The following PLXNB1 variants were observed in gnomAD, a reference collection of about 807,000 sequenced individuals.
The protein encoded by PLXNB1 is plexin B1.
In PLXNB1, 106 loss-of-function variants were observed where a neutral mutation model predicts 209.4. The observed-to-expected ratio is 0.51, with a 90% CI of 0.43 to 0.59. The LOEUF (loss-of-function observed/expected upper bound fraction) is 0.59, where lower values mean the gene tolerates loss of function less well. PLXNB1 is among the 20% of genes least tolerant of loss of function. The pLI is 0.00. For missense variants in PLXNB1, 2,357 were observed against 2,853.2 expected, an observed-to-expected ratio of 0.83 and a Z score of 3.96; for synonymous variants, 1,167 against 1,183.2, an observed-to-expected ratio of 0.99 and a Z score of 0.28.
rs1400262393 is a variant in PLXNB1, at chr3:48,418,335, A to G, written c.3078T>C (p.His1026=). Residue 1026 remains histidine, a synonymous_variant, in exon 15 of 38, where the codon CAT becomes CAC. Transcript: ENST00000296440. This position sits in a 1 kb window ranked among gnomAD's most constrained non-coding sequence, Gnocchi z 6.6. ...CAGTTTGGCAGCGGCTGCAGTCTCC[A>G]TGTCCCACGGAACAGTCATACAGTA... ...HVVLYDCSVG[H]GDCSRCQTAM... is the part of the protein sequence containing the mutation. 2.5e-6 allele frequency: 4 copies of G among 1,613,534 alleles called. No individual in the cohort carries two copies. The highest frequency in any genetic ancestry group is 2.7e-5 in the African/African-American group (2 of 74,928).
At position 48,424,345 on chromosome 3, in the gene PLXNB1, G is replaced by C. The variant is rs1293739721; in HGVS notation, c.267C>G (p.Pro89=). 2 of 1,554,700 alleles carry C rather than the reference G, an allele frequency of 1.3e-6. No individual in the cohort carries two copies. The highest frequency in any genetic ancestry group is 2.4e-5 in the South Asian group (2 of 84,368). ...CLPPVMPDEC[P]QAQPTNNPNQ... ...TCGGGTTGTTGGTAGGCTGGGCCTG[G>C]GGGCACTCATCAGGCATCACAGGTG... is the stretch of plus-strand genomic sequence containing the variant. The change falls in exon 3 of 38, where the codon CCC becomes CCG. Residue 89 remains proline, a synonymous_variant. Transcript: ENST00000296440.
Position 48,420,139 on chromosome 3 carries a change from G to A in PLXNB1, c.2147C>T (p.Pro716Leu), listed in dbSNP as rs1200323961. 6.2e-7 allele frequency: 1 copy of A among 1,612,094 alleles called. No homozygotes were observed. Among genetic ancestry groups the A allele is most frequent in the Non-Finnish European group, 8.5e-7 (1 of 1,179,350 alleles). Reference protein sequence around the residue: ...PDTLPVEPGAPSTATASDISP... With the variant: ...PDTLPVEPGALSTATASDISP... ...GATGTCCGAAGCTGTGGCTGTGGAG[G>A]GAGCCCCAGGCTCCACGGGAAGGGT... The change falls in exon 11 of 38, where the codon CCC (proline) becomes CTC (leucine). Residue 716 changes from proline (P) to leucine (L), a missense_variant. By Grantham distance (98) the Pro-to-Leu change is moderately conservative. This residue lies in a region of PLXNB1 where 410 missense variants were observed against 401.0 expected (regional missense o/e 1.02). Transcript: ENST00000296440.
rs1371927438 is a variant in PLXNB1, at chr3:48,420,084, G to T, written c.2202C>A (p.Ser734Arg). Residue 734 changes from serine to arginine, a missense_variant, in exon 11 of 38, where the codon AGC becomes AGA. Ser to Arg is a moderately radical substitution (Grantham distance 110). Coordinates refer to ENST00000296440, the MANE Select transcript of PLXNB1 (RefSeq NM_001130082.3). ...ISPGASPSLLSPWGPWAGSGS... is the reference protein window; with the variant it reads ...ISPGASPSLLRPWGPWAGSGS... ...CAGAACCTGCCCATGGCCCCCAGGG[G>T]CTGAGCAGGGAAGGACTAGCCCCAG... 1.2e-6 allele frequency: 2 copies of T among 1,613,608 alleles called. No individual in the cohort carries two copies. Among genetic ancestry groups the T allele is most frequent in the Admixed American group, 3.3e-5 (2 of 60,002 alleles).
rs576007486 is a variant in PLXNB1, at chr3:48,417,365, T to G, written c.3374+546A>C. Among the ~76,000 whole-genome samples, 2 of 152,336 alleles carry G rather than the reference T, an allele frequency of 1.3e-5. No individual in the cohort carries two copies. The highest frequency in any genetic ancestry group is 2.1e-4 in the South Asian group (1 of 4,830). Reference sequence around the variant, plus strand: ...TCTCCTTAGGAATGTCCTGCGTGTGTACCTTTGGGGCCTGCAACCGCTGGC... The same window carrying G: ...TCTCCTTAGGAATGTCCTGCGTGTGGACCTTTGGGGCCTGCAACCGCTGGC... On this transcript the variant is annotated intron_variant, in intron 16 of 37. Coordinates refer to ENST00000296440, the MANE Select transcript of PLXNB1 (RefSeq NM_001130082.3). This position sits in a 1 kb window ranked among gnomAD's most constrained non-coding sequence, Gnocchi z 4.4.
Position 48,405,918 on chromosome 3 carries a change from T to C in PLXNB1, c.6229-120A>G. 1.3e-6 allele frequency: 1 copy of C among 750,892 alleles called. No individual in the cohort carries two copies. The highest frequency in any genetic ancestry group is 1.5e-5 in the South Asian group (1 of 67,006). The allele number at this position is 750,892 out of a possible 1,614,324, so 46.5% of individuals were successfully genotyped here. A position where few individuals can be genotyped will look rare whatever the true frequency, so the allele number is the denominator to read the frequency against. On this transcript the variant is annotated intron_variant, in intron 36 of 37. Transcript: ENST00000296440. This position sits in a 1 kb window ranked among gnomAD's most constrained non-coding sequence, Gnocchi z 5.0. ...GGGACCTGAGAGGTAGAGAATGGGA[T>C]GGGCACTACAGTGGGAAGCAGAGTC...
chr3:48,427,003 G>A (rs2038929357), intron 1 of PLXNB1, among the ~76,000 whole-genome samples: 1 of 152,148 alleles, frequency 6.6e-6, no homozygotes, highest in Non-Finnish European at 1.5e-5. Context: ...GATGGGCCTT[G>A]GGCACAGGGT....
intron 25 of PLXNB1, 45 bp from the exon 26 acceptor site, chr3:48,412,665 G>A (rs1039861023): frequency 6.2e-7 from 1 of 1,607,156 alleles, no homozygotes. Context: ...TAGGGGGACA[G>A]AGGGGCGGGC....
chr3:48,421,945 G>T (rs2038557248), intron 6 of PLXNB1, 139 bp from the exon 7 acceptor site: 2 of 1,375,132 alleles, frequency 1.5e-6, no homozygotes, highest in Admixed American at 4.4e-5. Flanking sequence ...GCCCTGGCAG[G>T]GCACTGATGC....
intron 10 of PLXNB1, 74 bp downstream of exon 10, chr3:48,420,591 C>A: frequency 8.2e-7 from 1 of 1,220,666 alleles, no homozygotes; most frequent in Non-Finnish European, 1.2e-6. Context: ...CAGACAGACC[C>A]CGGGCCATGA....
Position 48,410,095 on chromosome 3 carries a change from A to C in PLXNB1, c.5606-18T>G. 1 of 1,558,968 alleles carries C rather than the reference A, an allele frequency of 6.4e-7. No individual in the cohort carries two copies. The highest frequency in any genetic ancestry group is 8.7e-7 in the Non-Finnish European group (1 of 1,148,302). On this transcript the variant is annotated intron_variant, in intron 31 of 37. Coordinates refer to ENST00000296440, the MANE Select transcript of PLXNB1 (RefSeq NM_001130082.3). The surrounding 1 kb of genome is among the most constrained non-coding windows in gnomAD (Gnocchi z 6.4). ...TGGGGTCCCTGTGCCAAGAGCCCAC[A>C]GCTGTCACCCCTCCCCAGGTGCCAC... is the stretch of plus-strand genomic sequence containing the variant.
chr3:48,410,255 G>A lies in PLXNB1; in HGVS notation c.5605+41C>T. ...GACCTTCCCCATGACTCCGGGCTGG[G>A]CACAGCAGGGGCAGAGGACCGTGAT... is the stretch of plus-strand genomic sequence containing the variant. On this transcript the variant is annotated intron_variant, in intron 31 of 37. Transcript: ENST00000296440. This position sits in a 1 kb window ranked among gnomAD's most constrained non-coding sequence, Gnocchi z 6.4. 1 of 1,538,286 alleles carries A rather than the reference G, an allele frequency of 6.5e-7. No individual in the cohort carries two copies. Among genetic ancestry groups the A allele is most frequent in the Non-Finnish European group, 8.9e-7 (1 of 1,125,918 alleles).
chr3:48,428,510 G>C (rs1476560832), intron 1 of PLXNB1, among the ~76,000 whole-genome samples: 1 of 152,106 alleles, frequency 6.6e-6, no homozygotes, highest in East Asian at 1.9e-4. Context: ...AGCTGTCCTC[G>C]ACAACAAAAG....
intron 7 of PLXNB1, 83 bp from the exon 8 acceptor site, chr3:48,421,467 A>G (rs933314936): frequency 7.0e-7 from 1 of 1,427,164 alleles, no homozygotes. Flanking sequence ...CAATGTGGGC[A>G]GGCACCAGCA....
intron 1 of PLXNB1, among the ~76,000 whole-genome samples, chr3:48,426,464 C>G (rs2038901015): frequency 6.6e-6 from 1 of 152,222 alleles, no homozygotes; most frequent in Non-Finnish European, 1.5e-5. Flanking sequence ...ACCCAGCTGC[C>G]AAGCTGTCTG....
rs1330644392 is a variant in PLXNB1, at chr3:48,412,486, C to G, written c.4989G>C (p.Leu1663=). The G allele has an allele frequency of 6.2e-7, 1 of 1,613,544 alleles. No individual in the cohort carries two copies. Among genetic ancestry groups the G allele is most frequent in the African/African-American group, 1.3e-5 (1 of 74,952 alleles). The part of the protein sequence containing the change: ...TDILRTLLSD[L]VAQYVAKNPK... ...GGTTCTTGGCCACATACTGGGCAACCAGGTCACTGAGCAGAGTGCGGAGGA... is the reference window on the plus strand; with the variant it reads ...GGTTCTTGGCCACATACTGGGCAACGAGGTCACTGAGCAGAGTGCGGAGGA... The change falls in exon 26 of 38, where the codon CTG becomes CTC. Residue 1663 remains leucine (L), a synonymous_variant. Transcript: ENST00000296440.
In PLXNB1 at chr3:48,415,338, ACGTCCTCCACTGAAACAGAC is replaced by A; in HGVS notation, c.3795-11_3803del. 1 of 1,612,554 alleles carries A rather than the reference ACGTCCTCCACTGAAACAGAC, an allele frequency of 6.2e-7. No individual in the cohort carries two copies. The highest frequency in any genetic ancestry group is 8.5e-7 in the Non-Finnish European group (1 of 1,179,278). ...GATTCTGGCCACGGACGCATATCTCACGTCCTCCACTGAAACAGACCGTGAGCTTACGTAACGTAAGATGG... is the reference window on the plus strand; with the variant it reads ...GATTCTGGCCACGGACGCATATCTCACGTGAGCTTACGTAACGTAAGATGG... On this transcript the variant is annotated splice_acceptor_variant and splice_polypyrimidine_tract_variant and coding_sequence_variant and intron_variant, in exon 20 of 38. Transcript: ENST00000296440. LOFTEE classifies it high-confidence loss of function. The surrounding 1 kb of genome is among the most constrained non-coding windows in gnomAD (Gnocchi z 5.0).
In PLXNB1 at chr3:48,414,076, A is replaced by G; in HGVS notation, c.4210-5T>C. 6.2e-7 allele frequency: 1 copy of G among 1,613,272 alleles called. No homozygotes were observed. The highest frequency in any genetic ancestry group is 8.5e-7 in the Non-Finnish European group (1 of 1,179,532). On this transcript the variant is annotated splice_polypyrimidine_tract_variant and splice_region_variant and intron_variant, in intron 21 of 37. Coordinates refer to ENST00000296440, the MANE Select transcript of PLXNB1 (RefSeq NM_001130082.3). The stretch of plus-strand genomic sequence containing the variant: ...TGCAAGGTCCAGGTTCTCCCCCTGG[A>G]ACAGAGGGTCACCGATCAGTCACTC...
At position 48,412,020 on chromosome 3, in the gene PLXNB1, A is replaced by ACAGGC. The variant is rs768242557; in HGVS notation, c.5101-16_5101-12dup. On this transcript the variant is annotated splice_polypyrimidine_tract_variant and intron_variant, in intron 27 of 37. Coordinates refer to ENST00000296440, the MANE Select transcript of PLXNB1 (RefSeq NM_001130082.3). Reference sequence around the variant, plus strand: ...CTCCCCTACGGAGTCCTAGGAGAGCACAGGCAGTTAGGGCCCCCCAGCAGG... The same window carrying ACAGGC: ...CTCCCCTACGGAGTCCTAGGAGAGCACAGGCCAGGCAGTTAGGGCCCCCCAGCAGG... 4.3e-6 allele frequency: 7 copies of ACAGGC among 1,613,690 alleles called. No individual in the cohort carries two copies. The highest frequency in any genetic ancestry group is 5.1e-6 in the Non-Finnish European group (6 of 1,179,806).
At chr3:48,427,928 G>A (rs2038980023) in intron 1 of PLXNB1, among the ~76,000 whole-genome samples, 1 of 152,206 alleles carries the variant, frequency 6.6e-6, no homozygotes, top group African/African-American at 2.4e-5. Context: ...ATGGGAGGCA[G>A]GATTGCTCTG....
Sources: gnomAD v4.1 joint callset for allele counts (sites outside exome capture counted in the v4.1 genomes callset) on GRCh38, gnomAD v4.1.1 for gene constraint, gnomAD v4.1.1 regional missense constraint, Gnocchi (gnomAD v3.1) non-coding constraint, MANE v1.5 for transcripts, NCBI Gene and HGNC (gene_info 2026-07-23, HGNC 2026-07-21) for gene names.